STYXL2: variants seen among roughly 807,000 people sequenced by gnomAD.
The protein encoded by STYXL2 is serine/threonine/tyrosine-interacting-like protein 2.
Under a neutral mutation model 52.4 loss-of-function variants are expected in STYXL2, and 44 were observed. The observed-to-expected ratio is 0.84, with a 90% CI of 0.66 to 1.08. STYXL2 has a LOEUF of 1.08. Ranked by LOEUF, STYXL2 falls within the 50% of genes least tolerant of loss-of-function variation. The probability of loss-of-function intolerance (pLI) is 0.00; values close to 1 mark genes in which losing one functional copy is unlikely to be tolerated. For missense variants in STYXL2, 1,604 were observed against 1,471.7 expected (o/e 1.09, Z -1.47); for synonymous variants, 604 against 586.9 (o/e 1.03, Z -0.42).
At chr1:167,095,906 C>T (rs991150658) in intron 2 of STYXL2, among the ~76,000 whole-genome samples, 2 of 152,264 alleles carry the variant, frequency 1.3e-5, no homozygotes, top group Middle Eastern at 6.8e-3. Flanking sequence ...TGTCAAAAGG[C>T]TTCCCCAGTG....
At chr1:167,108,528 G>A (rs988188357) in intron 2 of STYXL2, among the ~76,000 whole-genome samples, 18 of 152,066 alleles carry the variant, frequency 1.2e-4, no homozygotes, top group African/African-American at 3.1e-4. Flanking sequence ...CAACACAACC[G>A]CTATCGTAAA....
At chr1:167,125,648 C>A in intron 5 of STYXL2, 139 bp from the exon 6 acceptor site, 1 of 1,288,718 alleles carries the variant, frequency 7.8e-7, no homozygotes, top group Non-Finnish European at 1.0e-6. Context: ...GTGTCTTGAG[C>A]CCGGATGAAC....
At position 167,094,754 on chromosome 1, in the gene STYXL2, A is replaced by G. The variant is rs1022512210; in HGVS notation, c.-16-80A>G. On this transcript the variant is annotated intron_variant, in intron 1 of 5. Coordinates refer to ENST00000361200, the MANE Select transcript of STYXL2 (RefSeq NM_001080426.3). Reference sequence around the variant, plus strand: ...TCCTAGTCCTAGTTCCACTGAGGTGACATCACCAACACAACTTCTCCCCCA... The same window carrying G: ...TCCTAGTCCTAGTTCCACTGAGGTGGCATCACCAACACAACTTCTCCCCCA... 8.5e-5 allele frequency: 79 copies of G among 930,388 alleles called. No individual in the cohort carries two copies. The African/African-American group carries it at 1.1e-3, about 13-fold the overall frequency. 57.6% of individuals were successfully genotyped at this position (930,388 alleles called of 1,614,324 possible). A position where few individuals can be genotyped will look rare whatever the true frequency, so the allele number is the denominator to read the frequency against.
At chr1:167,118,236 C>T (rs188090073) in intron 4 of STYXL2, among the ~76,000 whole-genome samples, 2 of 152,120 alleles carry the variant, frequency 1.3e-5, no homozygotes, top group Non-Finnish European at 2.9e-5. Flanking sequence ...GTTTCCAGAA[C>T]AAAAACAACT....
Position 167,126,739 on chromosome 1 carries a change from G to A in STYXL2, c.1608G>A (p.Arg536=). Residue 536 remains arginine (R), a synonymous_variant, in exon 6 of 6, where the codon AGG becomes AGA. Transcript: ENST00000361200. ...GTTCCTTCTACAACTTCTGCAGCAG[G>A]AACAAGGACAAGCTCACTGCCCTGG... The part of the protein sequence containing the change: ...EASSFYNFCS[R]NKDKLTALER... 1 of 1,614,196 alleles carries A rather than the reference G, an allele frequency of 6.2e-7. No individual in the cohort carries two copies. Among genetic ancestry groups the A allele is most frequent in the Non-Finnish European group, 8.5e-7 (1 of 1,180,028 alleles).
chr1:167,126,406 C>T lies in STYXL2; in HGVS notation c.1275C>T (p.Ser425=). 6.4e-7 allele frequency: 1 copy of T among 1,558,700 alleles called. No individual in the cohort carries two copies. Among genetic ancestry groups the T allele is most frequent in the South Asian group, 1.2e-5 (1 of 84,692 alleles). Residue 425 remains serine (S), a synonymous_variant, in exon 6 of 6, where the codon TCC becomes TCT. Transcript: ENST00000361200. ...AGGAGGAGGAGAGCGACGCTGGCTC[C>T]TCGGTGGGGAGGCGGCGGCGCACCC... ...EEKEEESDAG[S]SVGRRRRTLS...
At chr1:167,103,450 G>C (rs1015675411) in intron 2 of STYXL2, among the ~76,000 whole-genome samples, 4 of 152,152 alleles carry the variant, frequency 2.6e-5, no homozygotes, top group Non-Finnish European at 5.9e-5. Flanking sequence ...AAAATTAGCA[G>C]GGATGTACCC....
chr1:167,128,469 C>T lies in STYXL2; in HGVS notation c.3338C>T (p.Ala1113Val). The T allele has an allele frequency of 6.2e-7, 1 of 1,613,930 alleles. No individual in the cohort carries two copies. The highest frequency in any genetic ancestry group is 2.2e-5 in the East Asian group (1 of 44,850). The change falls in exon 6 of 6, where the codon GCA becomes GTA. Residue 1113 changes from alanine to valine, a missense_variant. Transcript: ENST00000361200. ...RTENREEGRF[A>V]SGRRSQYRRS... Reference sequence around the variant, plus strand: ...GAAAACAGAGAAGAAGGGAGGTTTGCATCTGGACGGCGGTCCCAGTATCGG... The same window carrying T: ...GAAAACAGAGAAGAAGGGAGGTTTGTATCTGGACGGCGGTCCCAGTATCGG...
At chr1:167,097,013 G>A (rs1395228021) in intron 2 of STYXL2, among the ~76,000 whole-genome samples, 4 of 152,200 alleles carry the variant, frequency 2.6e-5, no homozygotes, top group African/African-American at 9.7e-5. Context: ...AGGAGGAAGA[G>A]GAAATACTGC....
intron 5 of STYXL2, among the ~76,000 whole-genome samples, chr1:167,122,182 G>A (rs1667870726): frequency 6.6e-6 from 1 of 152,050 alleles, no homozygotes; most frequent in African/African-American, 2.4e-5. Flanking sequence ...TTGCTAGTGG[G>A]TGGAAACCAT....
chr1:167,117,404 G>C lies in STYXL2; in HGVS notation c.282G>C (p.Glu94Asp), dbSNP rs750129646. 2.5e-6 allele frequency: 4 copies of C among 1,612,828 alleles called. No homozygotes were observed. The highest frequency in any genetic ancestry group is 3.4e-6 in the Non-Finnish European group (4 of 1,179,510). Residue 94 changes from glutamate (E) to aspartate (D), a missense_variant, in exon 4 of 6, where the codon GAG (glutamate) becomes GAC (aspartate). Physicochemically the swap from Glu to Asp is conservative, Grantham distance 45. Transcript: ENST00000361200. ...MLESAEQLLVEDLYNRVREKM... is the reference protein window; with the variant it reads ...MLESAEQLLVDDLYNRVREKM... ...AGTCTGCTGAACAGCTGCTGGTGGA[G>C]GACCTGTACAACCGCGTCAGGGAGA... is the stretch of plus-strand genomic sequence containing the variant.
intron 5 of STYXL2, among the ~76,000 whole-genome samples, chr1:167,123,916 A>G (rs1231256181): frequency 4.6e-5 from 7 of 151,462 alleles, no homozygotes. Flanking sequence ...AAGCCACCAC[A>G]CCCTTGTTTG....
intron 2 of STYXL2, among the ~76,000 whole-genome samples, chr1:167,104,014 G>A (rs957248793): frequency 6.6e-6 from 1 of 152,110 alleles, no homozygotes; most frequent in East Asian, 1.9e-4. Context: ...CAGCTGCTCA[G>A]GAGGCTGAGA....
chr1:167,114,559 T>G (rs1458203982), intron 3 of STYXL2, among the ~76,000 whole-genome samples: 1 of 152,162 alleles, frequency 6.6e-6, no homozygotes, highest in Non-Finnish European at 1.5e-5. Context: ...TCTTTCATTA[T>G]TAGAATCACA....
chr1:167,098,154 G>T (rs1410213064), intron 2 of STYXL2, among the ~76,000 whole-genome samples: 6 of 151,964 alleles, frequency 3.9e-5, no homozygotes, highest in Non-Finnish European at 7.4e-5. Flanking sequence ...TGGGACTACA[G>T]GTGCAAGCTA....
At chr1:167,096,052 G>A (rs887173350) in intron 2 of STYXL2, among the ~76,000 whole-genome samples, 1 of 152,044 alleles carries the variant, frequency 6.6e-6, no homozygotes, top group Non-Finnish European at 1.5e-5. Context: ...GAGGTCAGGA[G>A]ATCAAGCCCA....
At chr1:167,097,278 A>G (rs1370508568) in intron 2 of STYXL2, among the ~76,000 whole-genome samples, 1 of 152,206 alleles carries the variant, frequency 6.6e-6, no homozygotes, top group Non-Finnish European at 1.5e-5. Flanking sequence ...TTTAAGGTTT[A>G]TGCCATGCAA....
Position 167,126,034 on chromosome 1 carries a change from T to G in STYXL2, c.903T>G (p.Thr301=). 6.3e-7 allele frequency: 1 copy of G among 1,592,084 alleles called. No homozygotes were observed. Among genetic ancestry groups the G allele is most frequent in the Non-Finnish European group, 8.6e-7 (1 of 1,169,574 alleles). ...CTGAGGCTGAGGAGGGCGAGGGCAC[T>G]GGGAGCATGCTCGGGGCCAGAGTGC... ...GSAEAEEGEG[T]GSMLGARVHA... The change falls in exon 6 of 6, where the codon ACT becomes ACG. Residue 301 remains threonine, a synonymous_variant. Transcript: ENST00000361200.
chr1:167,094,431 C>T lies in STYXL2; in HGVS notation c.-17+237C>T, dbSNP rs75801030. On this transcript the variant is annotated intron_variant, in intron 1 of 5. Coordinates refer to ENST00000361200, the MANE Select transcript of STYXL2 (RefSeq NM_001080426.3). ...CTTCCCCAGCAGAGACAAAGGTGTG[C>T]GCATGGGCATAGGTGAGGGGCGTGT... The T allele has an allele frequency of 4.3e-3, 842 of 193,960 alleles. 4 individuals carry two copies. The highest frequency in any genetic ancestry group is 9.2e-3 in the Admixed American group (171 of 18,574). The allele number at this position is 193,960 out of a possible 1,614,324, so 12.0% of individuals were successfully genotyped here. A position where few individuals can be genotyped will look rare whatever the true frequency, so the allele number is the denominator to read the frequency against.
Sources: allele counts gnomAD v4.1 joint callset (sites outside exome capture counted in the v4.1 genomes callset), GRCh38; gene constraint gnomAD v4.1.1; transcripts MANE v1.5; gene names NCBI Gene and HGNC (gene_info 2026-07-23, HGNC 2026-07-21).